PUM1: variants seen among roughly 807,000 people sequenced by gnomAD.
PUM1 encodes the protein pumilio RNA binding family member 1.
A neutral mutation model predicts 131.8 loss-of-function variants in PUM1; 13 were observed. The observed-to-expected ratio is 0.10, with a 90% CI of 0.06 to 0.16. The LOEUF is 0.16. Ranked by LOEUF, PUM1 falls within the 10% of genes least tolerant of loss-of-function variation. PUM1 has a pLI of 1.00. For missense variants in PUM1, 961 were observed against 1,512.4 expected (o/e 0.64, Z 6.05); for synonymous variants, 509 against 556.5 (o/e 0.91, Z 1.20).
chr1:30,997,546 T>C (rs1642026504), intron 5 of PUM1, among the ~76,000 whole-genome samples: 1 of 133,038 alleles, frequency 7.5e-6, no homozygotes, highest in Non-Finnish European at 1.7e-5. Flanking sequence ...AAAGCAGCAG[T>C]AGGAAGTTTC....
intron 9 of PUM1, among the ~76,000 whole-genome samples, chr1:30,975,754 AAAC>A (rs968111531): frequency 6.6e-6 from 1 of 152,006 alleles, no homozygotes; most frequent in Non-Finnish European, 1.5e-5. Flanking sequence ...ACACAAATAG[AAAC>A]AAAAAATACA....
chr1:30,971,667 C>T (rs1427128374), intron 10 of PUM1, among the ~76,000 whole-genome samples: 1 of 152,120 alleles, frequency 6.6e-6, no homozygotes, highest in Non-Finnish European at 1.5e-5. Context: ...ACCCTGGGCA[C>T]ACAAATTGTA....
At chr1:30,933,906 TCTTA>T (rs1272544792) in intron 21 of PUM1, among the ~76,000 whole-genome samples, 1 of 152,132 alleles carries the variant, frequency 6.6e-6, no homozygotes, top group Non-Finnish European at 1.5e-5. Context: ...ATTATCCCCA[TCTTA>T]CTGACAGAAA....
chr1:30,945,871 C>T (rs921017450), intron 17 of PUM1, among the ~76,000 whole-genome samples: 4 of 152,112 alleles, frequency 2.6e-5, no homozygotes, highest in African/African-American at 9.7e-5. Context: ...CTGCAACCTC[C>T]GCCTCCCAGG....
At chr1:30,935,299 G>A (rs933236643) in intron 21 of PUM1, among the ~76,000 whole-genome samples, 2 of 152,106 alleles carry the variant, frequency 1.3e-5, no homozygotes, top group African/African-American at 2.4e-5. Context: ...TTCTGGAAAG[G>A]GTCATCACTC....
At chr1:31,000,122 G>C (rs918330601) in intron 5 of PUM1, among the ~76,000 whole-genome samples, 1 of 152,182 alleles carries the variant, frequency 6.6e-6, no homozygotes, top group Non-Finnish European at 1.5e-5. Flanking sequence ...AATAGCTCGG[G>C]TAAGTATCCA....
chr1:30,989,183 A>C (rs1337303097), intron 7 of PUM1, among the ~76,000 whole-genome samples: 1 of 152,122 alleles, frequency 6.6e-6, no homozygotes, highest in African/African-American at 2.4e-5. Flanking sequence ...CTACTTCTAC[A>C]TTATCTACTG....
intron 3 of PUM1, among the ~76,000 whole-genome samples, chr1:31,017,043 C>A (rs150609770): frequency 7.2e-5 from 11 of 152,156 alleles, no homozygotes; most frequent in Non-Finnish European, 1.6e-4. Flanking sequence ...TCTCCCACAA[C>A]TGGGAAATCA....
intron 2 of PUM1, among the ~76,000 whole-genome samples, chr1:31,040,502 T>C (rs1361982512): frequency 6.6e-6 from 1 of 152,196 alleles, no homozygotes; most frequent in Non-Finnish European, 1.5e-5. Flanking sequence ...ATAGCACTAG[T>C]ATGCTGAGAA....
At chr1:30,959,032 G>T (rs1435576166) in intron 14 of PUM1, among the ~76,000 whole-genome samples, 1 of 151,964 alleles carries the variant, frequency 6.6e-6, no homozygotes, top group African/African-American at 2.4e-5. Context: ...TAGATGAAAT[G>T]GACAAATTCC....
chr1:31,047,342 AAAAGG>A (rs1643993569), intron 2 of PUM1, among the ~76,000 whole-genome samples: 1 of 152,212 alleles, frequency 6.6e-6, no homozygotes, highest in Non-Finnish European at 1.5e-5. Flanking sequence ...GAAATCTCTC[AAAAGG>A]AAAAGAAAAA....
chr1:30,941,195 T>C lies in PUM1; in HGVS notation c.3198A>G (p.Glu1066=), dbSNP rs772647160. The C allele has an allele frequency of 3.7e-6, 6 of 1,613,856 alleles. No homozygotes were observed. Among genetic ancestry groups the C allele is most frequent in the Non-Finnish European group, 4.2e-6 (5 of 1,179,818 alleles). The change falls in exon 20 of 22, where the codon GAA becomes GAG. Residue 1066 remains glutamate, a synonymous_variant. Transcript: ENST00000426105. ...RPEDKSKIVA[E]IRGNVLVLSQ... Reference sequence around the variant, plus strand: ...TCAATACAAGTACATTGCCTCGGATTTCTGCTACAATTTTGCTTTTATCCT... The same window carrying C: ...TCAATACAAGTACATTGCCTCGGATCTCTGCTACAATTTTGCTTTTATCCT...
At chr1:31,035,705 A>G (rs1018012777) in intron 2 of PUM1, among the ~76,000 whole-genome samples, 2 of 151,922 alleles carry the variant, frequency 1.3e-5, no homozygotes, top group African/African-American at 4.8e-5. Flanking sequence ...GAACCGAGAT[A>G]GCGCCACTGC....
intron 7 of PUM1, among the ~76,000 whole-genome samples, chr1:30,991,520 C>A (rs1387562941): frequency 1.3e-5 from 2 of 152,196 alleles, no homozygotes; most frequent in South Asian, 2.1e-4. Context: ...AATTTCCCTA[C>A]ATAGAATTTC....
At chr1:31,000,573 A>G (rs1297881856) in intron 5 of PUM1, among the ~76,000 whole-genome samples, 1 of 152,222 alleles carries the variant, frequency 6.6e-6, no homozygotes, top group African/African-American at 2.4e-5. Context: ...AATACTTCCT[A>G]ATATACCTAT....
chr1:30,967,689 G>A (rs1483483394), intron 11 of PUM1, among the ~76,000 whole-genome samples: 1 of 152,118 alleles, frequency 6.6e-6, no homozygotes, highest in Non-Finnish European at 1.5e-5. Flanking sequence ...AAATGAAACA[G>A]GTTAAAGTTA....
intron 2 of PUM1, among the ~76,000 whole-genome samples, chr1:31,046,362 G>C (rs754506992): frequency 2.6e-5 from 4 of 152,030 alleles, no homozygotes; most frequent in African/African-American, 9.7e-5. Context: ...CTCCAACCTG[G>C]GCAACAAGAG....
intron 8 of PUM1, among the ~76,000 whole-genome samples, chr1:30,980,389 A>AT (rs1641313426): frequency 6.6e-6 from 1 of 152,240 alleles, no homozygotes; most frequent in African/African-American, 2.4e-5. Flanking sequence ...CTAAAGAAAT[A>AT]TTTAACTTAA....
At position 30,975,361 on chromosome 1, in the gene PUM1, T is replaced by G. The variant is rs536004226; in HGVS notation, c.1355-559A>C. ...TGTTACTGTTTGTTTTTTTTGTTTT[T>G]TTGTTTTTTGAGACAGGGTCTCTCT... On this transcript the variant is annotated intron_variant, in intron 9 of 21. Coordinates refer to ENST00000426105, the MANE Select transcript of PUM1 (RefSeq NM_001020658.2). Among the ~76,000 whole-genome samples the G allele has an allele frequency of 5.3e-3, 765 of 145,084 alleles. 3 individuals are homozygous for G. Among genetic ancestry groups the G allele is most frequent in the East Asian group, 0.033 (164 of 4,994 alleles).
Sources: gnomAD v4.1 joint callset for allele counts (sites outside exome capture counted in the v4.1 genomes callset) on GRCh38, gnomAD v4.1.1 for gene constraint, MANE v1.5 for transcripts, NCBI Gene and HGNC (gene_info 2026-07-23, HGNC 2026-07-21) for gene names.